Variants in KLHDC10 observed in about 807,000 individuals in gnomAD.
The protein encoded by KLHDC10 is kelch domain containing 10, also known as kelch domain-containing protein 10.
A neutral mutation model predicts 56.1 loss-of-function variants in KLHDC10; 24 were observed. That is an observed-to-expected ratio of 0.43 (90% confidence interval 0.31 to 0.60). KLHDC10 has a LOEUF of 0.60. Among genes scored for constraint, KLHDC10 ranks in the 20% least tolerant of loss-of-function variants. KLHDC10 has a pLI of 0.11. For synonymous variants in KLHDC10, 188 were observed against 207.1 expected (o/e 0.91, Z 0.79); for missense variants, 349 against 567.0 (o/e 0.62, Z 3.91).
chr7:130,109,634 T>C (rs977938808), intron 2 of KLHDC10, among the ~76,000 whole-genome samples: 5 of 152,108 alleles, frequency 3.3e-5, no homozygotes, highest in Admixed American at 6.5e-5. Context: ...ATCCTAATAA[T>C]GTTCTTTTTG....
At chr7:130,078,866 C>T (rs936675856) in intron 1 of KLHDC10, among the ~76,000 whole-genome samples, 4 of 152,116 alleles carry the variant, frequency 2.6e-5, no homozygotes, top group South Asian at 2.1e-4. Context: ...CAATTGATTT[C>T]GCTAGTACTT....
chr7:130,108,914 GCTCT>G lies in KLHDC10; in HGVS notation c.254-7522_254-7519del, dbSNP rs763734241. On this transcript the variant is annotated intron_variant, in intron 2 of 9. Transcript: ENST00000335420. The stretch of plus-strand genomic sequence containing the variant: ...TTGAAAATTGCAGACATGATGTCTT[GCTCT>G]CTCTCTCTTTTTTTGAGACAGGCTG... Among the ~76,000 whole-genome samples, 15 of 151,834 alleles carry G rather than the reference GCTCT, an allele frequency of 9.9e-5. No homozygotes were observed. In the South Asian group the frequency reaches 1.2e-3, roughly 13 times the overall value.
At chr7:130,108,248 T>C (rs1033695273) in intron 2 of KLHDC10, among the ~76,000 whole-genome samples, 1 of 150,336 alleles carries the variant, frequency 6.7e-6, no homozygotes, top group East Asian at 2.0e-4. Flanking sequence ...AAAAAGAAAC[T>C]ATACTCATGG....
intron 2 of KLHDC10, among the ~76,000 whole-genome samples, chr7:130,098,777 T>TA (rs1266355463): frequency 1.3e-5 from 2 of 152,136 alleles, no homozygotes; most frequent in Non-Finnish European, 2.9e-5. Flanking sequence ...CACATAAACA[T>TA]AAAAAACAAA....
At chr7:130,108,300 C>A (rs1374755192) in intron 2 of KLHDC10, among the ~76,000 whole-genome samples, 1 of 151,946 alleles carries the variant, frequency 6.6e-6, no homozygotes, top group Admixed American at 6.6e-5. Flanking sequence ...GATTATGTTC[C>A]TTAATGGGTT....
At chr7:130,112,009 T>C (rs1311343488) in intron 2 of KLHDC10, among the ~76,000 whole-genome samples, 8 of 152,216 alleles carry the variant, frequency 5.3e-5, no homozygotes, top group Non-Finnish European at 1.5e-5. Flanking sequence ...TATGGCCCTA[T>C]AACAGTATTG....
chr7:130,093,789 C>T (rs1193974579), intron 1 of KLHDC10, among the ~76,000 whole-genome samples: 7 of 152,108 alleles, frequency 4.6e-5, no homozygotes, highest in Non-Finnish European at 5.9e-5. Context: ...GAATAACCTC[C>T]GCAGAGTCAA....
rs190729053 is a variant in KLHDC10, at chr7:130,092,413, C to G, written c.167-4508C>G. ...TTCATGCTTGGGCCTTAGTTTTATG[C>G]TCAATCATCTTTATCGTGAGTCCTA... On this transcript the variant is annotated intron_variant, in intron 1 of 9. Transcript: ENST00000335420. 6.2e-4 allele frequency among the ~76,000 whole-genome samples: 94 copies of G among 152,296 alleles called. 4 individuals are homozygous for G. The East Asian group carries it at 0.014, about 22-fold the overall frequency.
intron 1 of KLHDC10, among the ~76,000 whole-genome samples, chr7:130,086,132 T>G (rs536980995): frequency 2.6e-5 from 4 of 152,308 alleles, no homozygotes; most frequent in African/African-American, 9.6e-5. Context: ...CTTTTTAAAG[T>G]AAGCAGTCCT....
chr7:130,131,898 GC>G lies in KLHDC10; in HGVS notation c.*1153del, dbSNP rs1796406496. 1.3e-5 allele frequency: 2 copies of G among 152,166 alleles called. No individual in the cohort carries two copies. The highest frequency in any genetic ancestry group is 1.3e-4 in the Admixed American group (2 of 15,276). 9.4% of individuals were successfully genotyped at this position (152,166 alleles called of 1,614,324 possible). The stretch of plus-strand genomic sequence containing the variant: ...TTCCGTCTGCTTTAATGTGCATGGT[GC>G]TGTGAATAATTGTCTAGTAATTGGA... On this transcript the variant is annotated 3_prime_UTR_variant, in exon 10 of 10. Coordinates refer to ENST00000335420, the MANE Select transcript of KLHDC10 (RefSeq NM_014997.4).
At position 130,125,932 on chromosome 7, in the gene KLHDC10, GTAAATT is replaced by G. The variant is rs1300163390; in HGVS notation, c.931+6_931+11del. 1 of 1,581,780 alleles carries G rather than the reference GTAAATT, an allele frequency of 6.3e-7. No homozygotes were observed. On this transcript the variant is annotated splice_donor_variant and splice_donor_5th_base_variant and intron_variant, in intron 7 of 9. Transcript: ENST00000335420. LOFTEE classifies it high-confidence loss of function. Reference sequence around the variant, plus strand: ...GCAACAAAACCCCATGAAAAAATAGGTAAATTTAAAGTATTGATTAATTTATCTTTA... The same window carrying G: ...GCAACAAAACCCCATGAAAAAATAGGTAAAGTATTGATTAATTTATCTTTA...
At chr7:130,124,766 C>G (rs1464800092) in intron 6 of KLHDC10, among the ~76,000 whole-genome samples, 1 of 152,050 alleles carries the variant, frequency 6.6e-6, no homozygotes, top group Non-Finnish European at 1.5e-5. Context: ...AAAAATTATC[C>G]CCTTATGCTG....
At chr7:130,092,395 T>C (rs1025039812) in intron 1 of KLHDC10, among the ~76,000 whole-genome samples, 3 of 152,248 alleles carry the variant, frequency 2.0e-5, no homozygotes, top group Non-Finnish European at 4.4e-5. Flanking sequence ...TTCTTCATGC[T>C]TGGGCCTTAG....
intron 3 of KLHDC10, among the ~76,000 whole-genome samples, chr7:130,118,943 G>A (rs1417224631): frequency 6.6e-6 from 1 of 152,132 alleles, no homozygotes; most frequent in Non-Finnish European, 1.5e-5. Context: ...CTGGCGTGGT[G>A]GCTCAGGCCT....
At chr7:130,115,542 C>T (rs1796154995) in intron 2 of KLHDC10, among the ~76,000 whole-genome samples, 1 of 151,486 alleles carries the variant, frequency 6.6e-6, no homozygotes. Flanking sequence ...ATGGAGAAAC[C>T]CTGTCTCTAC....
chr7:130,099,284 C>T (rs980325020), intron 2 of KLHDC10, among the ~76,000 whole-genome samples: 3 of 152,060 alleles, frequency 2.0e-5, no homozygotes, highest in African/African-American at 4.8e-5. Context: ...TAAGTCTCTT[C>T]GTTTGTTCGT....
At chr7:130,126,172 G>T (rs956780318) in intron 7 of KLHDC10, among the ~76,000 whole-genome samples, 8 of 151,830 alleles carry the variant, frequency 5.3e-5, no homozygotes, top group Admixed American at 4.6e-4. Context: ...AAAAAAATTT[G>T]CTGGGCCTGG....
chr7:130,084,495 T>C lies in KLHDC10; in HGVS notation c.167-12426T>C, dbSNP rs375861207. On this transcript the variant is annotated intron_variant, in intron 1 of 9. Transcript: ENST00000335420. ...GAATCAAGATGATTGCTAACAAGGC[T>C]AGATGCGGTGGTTGACGCCTGTAAT... Among the ~76,000 whole-genome samples, 6 of 152,222 alleles carry C rather than the reference T, an allele frequency of 3.9e-5. No homozygotes were observed. The South Asian group carries it at 6.2e-4, about 16-fold the overall frequency.
At chr7:130,102,582 G>C (rs1160210712) in intron 2 of KLHDC10, among the ~76,000 whole-genome samples, 1 of 152,180 alleles carries the variant, frequency 6.6e-6, no homozygotes, top group Non-Finnish European at 1.5e-5. Flanking sequence ...AGCACTTTGG[G>C]AGGCTGAGAT....
Sources: gnomAD v4.1 joint callset for allele counts (sites outside exome capture counted in the v4.1 genomes callset) on GRCh38, gnomAD v4.1.1 for gene constraint, MANE v1.5 for transcripts, NCBI Gene and HGNC (gene_info 2026-07-23, HGNC 2026-07-21) for gene names.